Variants in DCLK2 observed in about 807,000 individuals in gnomAD.
The protein encoded by DCLK2 is serine/threonine-protein kinase DCLK2.
DCLK2 carries 31 observed loss-of-function variants against 78.4 expected under a neutral mutation model. The observed-to-expected ratio is 0.40, with a 90% CI of 0.30 to 0.53. The LOEUF (loss-of-function observed/expected upper bound fraction) is 0.53, where lower values mean the gene tolerates loss of function less well. Ranked by LOEUF, DCLK2 falls within the 20% of genes least tolerant of loss-of-function variation. The probability of loss-of-function intolerance (pLI) is 0.61; values close to 1 mark genes in which losing one functional copy is unlikely to be tolerated. For missense variants in DCLK2, 872 were observed against 973.7 expected (o/e 0.90, Z 1.39); for synonymous variants, 407 against 374.9 (o/e 1.09, Z -0.99).
At chr4:150,178,017 A>G (rs1015538080) in intron 2 of DCLK2, among the ~76,000 whole-genome samples, 3 of 152,174 alleles carry the variant, frequency 2.0e-5, no homozygotes, top group African/African-American at 7.2e-5. Flanking sequence ...ATATTTGTTA[A>G]TTCTGGGGGC....
At chr4:150,207,421 A>G (rs1739921985) in intron 5 of DCLK2, among the ~76,000 whole-genome samples, 1 of 152,212 alleles carries the variant, frequency 6.6e-6, no homozygotes, top group Non-Finnish European at 1.5e-5. Flanking sequence ...CATTGAAAGA[A>G]CTGAAAATGA....
intron 3 of DCLK2, among the ~76,000 whole-genome samples, chr4:150,196,003 T>G (rs1560859049): frequency 6.6e-6 from 1 of 152,148 alleles, no homozygotes; most frequent in Non-Finnish European, 1.5e-5. Flanking sequence ...TTTACAATGA[T>G]TTTACAATGA....
intron 10 of DCLK2, among the ~76,000 whole-genome samples, chr4:150,239,013 G>A (rs1424879211): frequency 6.6e-6 from 1 of 152,084 alleles, no homozygotes; most frequent in African/African-American, 2.4e-5. Flanking sequence ...TGCTTTGGTG[G>A]ACACTTAATA....
chr4:150,190,303 A>G (rs866663863), intron 2 of DCLK2, among the ~76,000 whole-genome samples: 7 of 145,664 alleles, frequency 4.8e-5, no homozygotes, highest in East Asian at 1.9e-4. Flanking sequence ...AGATAGGCAG[A>G]CAGACAGACA....
chr4:150,206,317 A>G (rs1178305200), intron 5 of DCLK2, among the ~76,000 whole-genome samples: 3 of 152,210 alleles, frequency 2.0e-5, no homozygotes, highest in African/African-American at 7.2e-5. Flanking sequence ...CTTAATTATT[A>G]TAGTAACCCC....
chr4:150,246,458 T>G (rs1200458942), intron 12 of DCLK2, among the ~76,000 whole-genome samples: 1 of 152,204 alleles, frequency 6.6e-6, no homozygotes, highest in Admixed American at 6.5e-5. Flanking sequence ...ACACCACGCT[T>G]GCCCTTGTTC....
At chr4:150,197,735 A>G (rs1478457339) in intron 3 of DCLK2, among the ~76,000 whole-genome samples, 1 of 151,736 alleles carries the variant, frequency 6.6e-6, no homozygotes, top group Non-Finnish European at 1.5e-5. Flanking sequence ...CGGAGGTTGC[A>G]GTGAGCCCAG....
intron 2 of DCLK2, among the ~76,000 whole-genome samples, chr4:150,164,497 T>C (rs1735926005): frequency 6.6e-6 from 1 of 152,208 alleles, no homozygotes. Context: ...AGTACATATA[T>C]TGTTTAAAAA....
chr4:150,205,789 T>C (rs1339517724), intron 5 of DCLK2, among the ~76,000 whole-genome samples: 1 of 152,222 alleles, frequency 6.6e-6, no homozygotes, highest in African/African-American at 2.4e-5. Flanking sequence ...CAAAAGCGAG[T>C]GGCTCCTAGA....
chr4:150,160,019 T>TG (rs1011016905), intron 2 of DCLK2, among the ~76,000 whole-genome samples: 4 of 151,848 alleles, frequency 2.6e-5, no homozygotes, highest in African/African-American at 9.7e-5. Context: ...TTTATTATTT[T>TG]TGTGTGTGTG....
chr4:150,234,185 C>T (rs1182678957), intron 10 of DCLK2, among the ~76,000 whole-genome samples: 1 of 152,210 alleles, frequency 6.6e-6, no homozygotes, highest in Non-Finnish European at 1.5e-5. Flanking sequence ...GTAAACCATT[C>T]ATCTTGTAAT....
At chr4:150,199,138 A>G in intron 4 of DCLK2, 2 of 1,451,676 alleles carry the variant, frequency 1.4e-6, no homozygotes, top group Non-Finnish European at 1.9e-6. Flanking sequence ...GTTTTTTGCC[A>G]CTTTTCTGTT....
chr4:150,228,003 T>C (rs966357758), intron 8 of DCLK2, among the ~76,000 whole-genome samples: 1 of 152,192 alleles, frequency 6.6e-6, no homozygotes, highest in African/African-American at 2.4e-5. Flanking sequence ...GGAGAATCTG[T>C]TCCTTGCCTG....
chr4:150,122,351 C>T (rs973545566), intron 2 of DCLK2, among the ~76,000 whole-genome samples: 1 of 152,192 alleles, frequency 6.6e-6, no homozygotes, highest in Non-Finnish European at 1.5e-5. Context: ...GACTTGGAAC[C>T]AGTCCATATG....
chr4:150,253,575 C>A, intron 15 of DCLK2: 14 of 1,289,584 alleles, frequency 1.1e-5, no homozygotes, highest in Non-Finnish European at 1.4e-5. Flanking sequence ...CACGCTGCGT[C>A]CGACCAGCGC....
intron 1 of DCLK2, among the ~76,000 whole-genome samples, chr4:150,098,417 A>G (rs961957311): frequency 2.0e-5 from 3 of 152,238 alleles, no homozygotes; most frequent in Non-Finnish European, 2.9e-5. Flanking sequence ...TTGTAATAAC[A>G]TTGAAGTCTA....
chr4:150,131,876 G>T (rs529565029), intron 2 of DCLK2, among the ~76,000 whole-genome samples: 1 of 152,194 alleles, frequency 6.6e-6, no homozygotes, highest in South Asian at 2.1e-4. Flanking sequence ...ATACTGTAGG[G>T]GTCCTGTGGG....
chr4:150,189,256 A>G (rs977940791), intron 2 of DCLK2, among the ~76,000 whole-genome samples: 4 of 152,216 alleles, frequency 2.6e-5, no homozygotes, highest in African/African-American at 9.6e-5. Flanking sequence ...AAAAATAAAA[A>G]TCAGTTCAAT....
chr4:150,084,235 A>G (rs1223408842), intron 1 of DCLK2, among the ~76,000 whole-genome samples: 2 of 152,264 alleles, frequency 1.3e-5, no homozygotes, highest in Non-Finnish European at 2.9e-5. Flanking sequence ...GATCTTAAAT[A>G]CAGTAAATTC....
Sources: allele counts gnomAD v4.1 joint callset (sites outside exome capture counted in the v4.1 genomes callset), GRCh38; gene constraint gnomAD v4.1.1; transcripts MANE v1.5; gene names NCBI Gene and HGNC (gene_info 2026-07-23, HGNC 2026-07-21).